RUVBL1: variants seen among roughly 807,000 people sequenced by gnomAD.
RUVBL1 encodes the protein RuvB like AAA ATPase 1.
RUVBL1 carries 4 observed loss-of-function variants against 52.4 expected under a neutral mutation model. That is an observed-to-expected ratio of 0.08 (90% CI 0.04 to 0.17). RUVBL1 has a LOEUF of 0.17. RUVBL1 is among the 10% of genes least tolerant of loss of function. RUVBL1 has a pLI of 1.00. For synonymous variants in RUVBL1, 217 were observed against 214.4 expected, an observed-to-expected ratio of 1.01 and a Z score of -0.10; for missense variants, 298 against 572.8, an observed-to-expected ratio of 0.52 and a Z score of 4.90.
intron 9 of RUVBL1, among the ~76,000 whole-genome samples, chr3:128,074,296 CA>C (rs992463888): frequency 1.3e-5 from 2 of 150,956 alleles, no homozygotes; most frequent in African/African-American, 4.9e-5. Flanking sequence ...TTCAGGAGCT[CA>C]AAAGCTAAGT....
At chr3:128,106,081 T>C (rs768995320) in intron 3 of RUVBL1, among the ~76,000 whole-genome samples, 1 of 152,066 alleles carries the variant, frequency 6.6e-6, no homozygotes, top group African/African-American at 2.4e-5. Flanking sequence ...GGTTTCACCA[T>C]GTTGGCCAGA....
At chr3:128,101,913 A>G (rs957128001) in intron 4 of RUVBL1, among the ~76,000 whole-genome samples, 1 of 152,214 alleles carries the variant, frequency 6.6e-6, no homozygotes, top group Non-Finnish European at 1.5e-5. Flanking sequence ...AGAGGGACAC[A>G]GGGGACACGT....
chr3:128,092,395 A>G (rs1259502294), intron 8 of RUVBL1, among the ~76,000 whole-genome samples: 2 of 152,184 alleles, frequency 1.3e-5, no homozygotes, highest in East Asian at 3.8e-4. Flanking sequence ...GTCAAAAGAC[A>G]CTATCAAGAA....
intron 2 of RUVBL1, among the ~76,000 whole-genome samples, chr3:128,117,785 T>C (rs1023743309): frequency 6.6e-6 from 1 of 151,960 alleles, no homozygotes; most frequent in East Asian, 1.9e-4. Flanking sequence ...GAAGCACAAT[T>C]AGCATTAAGC....
chr3:128,110,782 C>T (rs745936790), intron 3 of RUVBL1, among the ~76,000 whole-genome samples: 2 of 152,198 alleles, frequency 1.3e-5, no homozygotes, highest in South Asian at 2.1e-4. Context: ...GAAATGAGCA[C>T]TTTATGACAC....
chr3:128,091,350 G>A (rs1942833683), intron 8 of RUVBL1, among the ~76,000 whole-genome samples: 2 of 152,226 alleles, frequency 1.3e-5, no homozygotes, highest in South Asian at 4.1e-4. Context: ...TAATGGTAAT[G>A]TTATAAAACT....
At chr3:128,096,197 C>T (rs908452424) in intron 8 of RUVBL1, among the ~76,000 whole-genome samples, 4 of 152,178 alleles carry the variant, frequency 2.6e-5, no homozygotes, top group Non-Finnish European at 4.4e-5. Context: ...GTGCCCCCAG[C>T]ACTGCAGAGA....
intron 1 of RUVBL1, among the ~76,000 whole-genome samples, chr3:128,151,023 TAA>T (rs1944198655): frequency 2.1e-5 from 2 of 93,970 alleles, no homozygotes; most frequent in South Asian, 2.7e-4. Flanking sequence ...ATTATATATA[TAA>T]TATATATTCT....
chr3:128,130,231 A>T (rs1410227025), intron 1 of RUVBL1, among the ~76,000 whole-genome samples: 1 of 146,928 alleles, frequency 6.8e-6, no homozygotes, highest in African/African-American at 2.6e-5. Context: ...ACTATACAGA[A>T]ATAAAAGGAA....
intron 3 of RUVBL1, among the ~76,000 whole-genome samples, chr3:128,109,524 A>C (rs1408296179): frequency 2.0e-5 from 3 of 151,946 alleles, no homozygotes; most frequent in African/African-American, 7.3e-5. Context: ...TTTTTGAGAC[A>C]GGGTCTCACT....
At chr3:128,120,126 G>A (rs1192207294) in intron 1 of RUVBL1, among the ~76,000 whole-genome samples, 1 of 152,190 alleles carries the variant, frequency 6.6e-6, no homozygotes, top group Non-Finnish European at 1.5e-5. Context: ...ATAGACGCCA[G>A]GGGCCCAAAT....
At chr3:128,065,570 A>G (rs1941944417) in intron 9 of RUVBL1, among the ~76,000 whole-genome samples, 2 of 152,084 alleles carry the variant, frequency 1.3e-5, no homozygotes, top group Non-Finnish European at 2.9e-5. Context: ...TGTTTATTTA[A>G]AAGAAGGGAC....
At chr3:128,153,716 AG>A in exon 1 of RUVBL1, 1 of 1,580,766 alleles carries the variant, frequency 6.3e-7, no homozygotes, top group Non-Finnish European at 8.5e-7. Context: ...TCTTTGCCCG[AG>A]TTCCAGGCAG....
chr3:128,110,123 C>G (rs919511798), intron 3 of RUVBL1, among the ~76,000 whole-genome samples: 1 of 152,018 alleles, frequency 6.6e-6, no homozygotes, highest in Non-Finnish European at 1.5e-5. Context: ...GGCCTACATA[C>G]AGTTTTTAAA....
chr3:128,097,413 A>G lies in RUVBL1; in HGVS notation c.903T>C (p.Val301=). 6.2e-7 allele frequency: 1 copy of G among 1,614,188 alleles called. No individual in the cohort carries two copies. The highest frequency in any genetic ancestry group is 1.1e-5 in the South Asian group (1 of 91,082). ...IAELVPGVLF[V]DEVHMLDIEC... is the part of the protein sequence containing the mutation. ...CAATGTCCAGCATGTGGACCTCATC[A>G]ACAAACAGCACACCCGGGACCAGCT... The change falls in exon 8 of 11, where the codon GTT becomes GTC. Residue 301 remains valine, a synonymous_variant. Transcript: ENST00000322623.
At chr3:128,096,687 C>T (rs1391629240) in intron 8 of RUVBL1, among the ~76,000 whole-genome samples, 1 of 152,032 alleles carries the variant, frequency 6.6e-6, no homozygotes, top group African/African-American at 2.4e-5. Context: ...ATTAGCCAGG[C>T]GTGGTGGTGG....
chr3:128,090,379 C>A (rs573532200), intron 8 of RUVBL1, among the ~76,000 whole-genome samples: 4 of 152,076 alleles, frequency 2.6e-5, no homozygotes, highest in Admixed American at 2.6e-4. Context: ...ATTAGCCGGG[C>A]GTGGTGGCGG....
At chr3:128,113,364 A>G (rs1943439233) in intron 2 of RUVBL1, among the ~76,000 whole-genome samples, 1 of 152,236 alleles carries the variant, frequency 6.6e-6, no homozygotes, top group South Asian at 2.1e-4. Flanking sequence ...AAGTAATGCA[A>G]CGTAAGTACC....
Position 128,086,822 on chromosome 3 carries a change from C to T in RUVBL1, c.1119+884G>A, listed in dbSNP as rs145347984. Among the ~76,000 whole-genome samples, 290 of 152,370 alleles carry T rather than the reference C, an allele frequency of 1.9e-3. 1 individual carries two copies. Among genetic ancestry groups the T allele is most frequent in the African/African-American group, 6.5e-3 (270 of 41,590 alleles). Reference sequence around the variant, plus strand: ...CTCCAAACCAAGCAAGAGGCAATTCCTACAGGGACAACTGGGACTGTGGCC... The same window carrying T: ...CTCCAAACCAAGCAAGAGGCAATTCTTACAGGGACAACTGGGACTGTGGCC... On this transcript the variant is annotated intron_variant, in intron 9 of 10. Transcript: ENST00000322623.
Sources: gnomAD v4.1 joint callset for allele counts (sites outside exome capture counted in the v4.1 genomes callset) on GRCh38, gnomAD v4.1.1 for gene constraint, MANE v1.5 for transcripts, NCBI Gene and HGNC (gene_info 2026-07-23, HGNC 2026-07-21) for gene names.